Variants in RBFOX1 observed in about 807,000 individuals in gnomAD.
RBFOX1 encodes RNA binding protein fox-1 homolog 1.
Under a neutral mutation model 57.7 loss-of-function variants are expected in RBFOX1, and 8 were observed. The ratio of observed to expected loss-of-function variants is 0.14; its 90% CI spans 0.08 to 0.25. The LOEUF (loss-of-function observed/expected upper bound fraction) is 0.25. Ranked by LOEUF, RBFOX1 falls within the 10% of genes least tolerant of loss-of-function variation. The pLI, the probability that RBFOX1 is intolerant of heterozygous loss-of-function variation, is 1.00. For synonymous variants in RBFOX1, 326 were observed against 222.4 expected (o/e 1.47, Z -4.15); for missense variants, 611 against 548.5 (o/e 1.11, Z -1.14).
chr16:7,255,998 C>T (rs1489684455), intron 4 of RBFOX1, among the ~76,000 whole-genome samples: 1 of 152,120 alleles, frequency 6.6e-6, no homozygotes, highest in Non-Finnish European at 1.5e-5. Flanking sequence ...TTTATTGTCT[C>T]CTTTTGTCTT....
chr16:7,238,628 TTC>T (rs1182275589), intron 4 of RBFOX1, among the ~76,000 whole-genome samples: 2 of 152,206 alleles, frequency 1.3e-5, no homozygotes, highest in African/African-American at 4.8e-5. Context: ...ATGCATTTCT[TTC>T]TCTCTTTTTT....
intron 3 of RBFOX1, among the ~76,000 whole-genome samples, chr16:5,681,454 T>A (rs987392812): frequency 6.7e-6 from 1 of 150,230 alleles, no homozygotes; most frequent in African/African-American, 2.5e-5. Flanking sequence ...AATGGTGTGA[T>A]CTCAGCTCAC....
chr16:6,692,097 C>G (rs567016851), intron 3 of RBFOX1, among the ~76,000 whole-genome samples: 3 of 152,124 alleles, frequency 2.0e-5, no homozygotes, highest in African/African-American at 7.2e-5. Flanking sequence ...AGATAATAAA[C>G]GAGTAGTTAT....
intron 1 of RBFOX1, among the ~76,000 whole-genome samples, chr16:5,452,618 A>G (rs1390206422): frequency 2.0e-5 from 3 of 149,484 alleles, no homozygotes; most frequent in African/African-American, 7.4e-5. Flanking sequence ...CTACCCAGTG[A>G]CCTTTCTGAA....
At chr16:7,553,970 C>G (rs2087450731) in intron 5 of RBFOX1, among the ~76,000 whole-genome samples, 1 of 152,054 alleles carries the variant, frequency 6.6e-6, no homozygotes, top group Admixed American at 6.6e-5. Flanking sequence ...AAGGCCAGGC[C>G]CAGTGGCTCA....
intron 4 of RBFOX1, among the ~76,000 whole-genome samples, chr16:7,485,893 T>C (rs1021853126): frequency 6.6e-6 from 1 of 152,216 alleles, no homozygotes; most frequent in African/African-American, 2.4e-5. Flanking sequence ...TAAAGTTTTA[T>C]TGGCACATAG....
chr16:5,924,576 T>G (rs1208282738), intron 4 of RBFOX1, among the ~76,000 whole-genome samples: 1 of 152,214 alleles, frequency 6.6e-6, no homozygotes, highest in African/African-American at 2.4e-5. Context: ...CCCTTCATTT[T>G]CCACCATAAG....
chr16:7,671,714 G>C, intron 13 of RBFOX1: 1 of 958,810 alleles, frequency 1.0e-6, no homozygotes, highest in Non-Finnish European at 1.6e-6. Flanking sequence ...TAGGAGGAAA[G>C]ACTTAACTGA....
chr16:7,413,760 G>C (rs1023070761), intron 4 of RBFOX1, among the ~76,000 whole-genome samples: 5 of 152,084 alleles, frequency 3.3e-5, no homozygotes, highest in Admixed American at 3.3e-4. Context: ...TCAGTTTAAT[G>C]ACAAGAGTAT....
chr16:6,568,595 G>A (rs1429267752), intron 2 of RBFOX1, among the ~76,000 whole-genome samples: 1 of 151,980 alleles, frequency 6.6e-6, no homozygotes, highest in African/African-American at 2.4e-5. Context: ...CAGAAGATGG[G>A]GATTATCTCA....
At chr16:6,358,380 G>A (rs1255318490) in intron 2 of RBFOX1, among the ~76,000 whole-genome samples, 1 of 152,176 alleles carries the variant, frequency 6.6e-6, no homozygotes, top group East Asian at 1.9e-4. Flanking sequence ...AGGAGGTGGA[G>A]AGCCATTGTC....
At chr16:6,854,878 G>C (rs150991743) in intron 3 of RBFOX1, among the ~76,000 whole-genome samples, 1,885 of 152,146 alleles carry the variant, frequency 0.012, 22 homozygotes, top group Middle Eastern at 0.041. Context: ...ACAGGCGTGA[G>C]CCACCGCGCC....
intron 1 of RBFOX1, 149 bp from the exon 2 acceptor site, chr16:6,316,846 C>G (rs893153974): frequency 1.7e-5 from 10 of 586,164 alleles, no homozygotes; most frequent in Non-Finnish European, 3.0e-5. Flanking sequence ...TCATTTTCAT[C>G]ATCATCATCA....
chr16:6,175,872 C>G (rs1399355885), intron 1 of RBFOX1, among the ~76,000 whole-genome samples: 1 of 152,040 alleles, frequency 6.6e-6, no homozygotes, highest in Non-Finnish European at 1.5e-5. Flanking sequence ...GAGAGGAGAG[C>G]CTGAGGCAGA....
chr16:5,916,341 T>C (rs1201028075), intron 4 of RBFOX1, among the ~76,000 whole-genome samples: 1 of 152,186 alleles, frequency 6.6e-6, no homozygotes, highest in Admixed American at 6.5e-5. Flanking sequence ...TGTCTTACTG[T>C]CTATCAGCTT....
At chr16:5,477,037 C>T (rs184631436) in intron 2 of RBFOX1, among the ~76,000 whole-genome samples, 3 of 152,246 alleles carry the variant, frequency 2.0e-5, no homozygotes, top group East Asian at 3.9e-4. Flanking sequence ...TTTTTTGAGA[C>T]AGGTCTCGCT....
At chr16:7,066,361 C>T (rs1385883766) in intron 4 of RBFOX1, among the ~76,000 whole-genome samples, 4 of 152,278 alleles carry the variant, frequency 2.6e-5, no homozygotes, top group African/African-American at 2.4e-5. Context: ...CTAAAATGAT[C>T]AGTCCCATTG....
intron 4 of RBFOX1, among the ~76,000 whole-genome samples, chr16:7,419,822 G>A (rs955402778): frequency 2.0e-5 from 3 of 151,890 alleles, no homozygotes; most frequent in African/African-American, 7.3e-5. Flanking sequence ...TTTTCCAGAT[G>A]CCTAATGGAG....
chr16:6,007,473 C>T (rs1412960441), intron 4 of RBFOX1, among the ~76,000 whole-genome samples: 1 of 152,138 alleles, frequency 6.6e-6, no homozygotes, highest in Non-Finnish European at 1.5e-5. Flanking sequence ...AAACTGCAGC[C>T]ACAGTTGACA....
Sources: allele counts gnomAD v4.1 joint callset (sites outside exome capture counted in the v4.1 genomes callset), GRCh38; gene constraint gnomAD v4.1.1; transcripts MANE v1.5; gene names NCBI Gene and HGNC (gene_info 2026-07-23, HGNC 2026-07-21).